The following PRR16 variants were observed in gnomAD, a reference collection of about 807,000 sequenced individuals.
PRR16 encodes proline rich 16.
In PRR16, 6 loss-of-function variants were observed where a neutral mutation model predicts 18.2. The ratio of observed to expected loss-of-function variants is 0.33; its 90% confidence interval spans 0.18 to 0.65. The LOEUF (loss-of-function observed/expected upper bound fraction) is 0.65, where lower values mean the gene tolerates loss of function less well. Ranked by LOEUF, PRR16 falls within the 30% of genes least tolerant of loss-of-function variation. PRR16 has a pLI of 0.74. For synonymous variants in PRR16, 151 were observed against 147.8 expected, an observed-to-expected ratio of 1.02 and a Z score of -0.16; for missense variants, 412 against 376.6, an observed-to-expected ratio of 1.09 and a Z score of -0.78.
intron 1 of PRR16, among the ~76,000 whole-genome samples, chr5:120,579,703 G>C (rs1753202110): frequency 6.6e-6 from 1 of 152,172 alleles, no homozygotes; most frequent in African/African-American, 2.4e-5. Context: ...TTTTGCTTAG[G>C]ATTGTCTTGG....
At chr5:120,758,606 A>G in the PRR16 span, among the ~76,000 whole-genome samples, 1 of 152,050 alleles carries the variant, frequency 6.6e-6, no homozygotes, top group Non-Finnish European at 1.5e-5. Flanking sequence ...ACAGTGAGGG[A>G]GTTCTCACAA....
chr5:120,764,192 G>A, the PRR16 span, among the ~76,000 whole-genome samples: 1 of 151,982 alleles, frequency 6.6e-6, no homozygotes, highest in Non-Finnish European at 1.5e-5. Context: ...GTTTTCTGTG[G>A]GTGTATCATA....
At chr5:120,792,928 G>T in the PRR16 span, among the ~76,000 whole-genome samples, 4 of 149,708 alleles carry the variant, frequency 2.7e-5, no homozygotes, top group Non-Finnish European at 4.5e-5. Context: ...GAGGCCAGGG[G>T]GATCACTTGA....
chr5:120,499,254 C>G (rs1411010131), intron 1 of PRR16, among the ~76,000 whole-genome samples: 2 of 151,984 alleles, frequency 1.3e-5, no homozygotes, highest in African/African-American at 4.8e-5. Flanking sequence ...GGATTACAGG[C>G]AGGCACCACC....
chr5:120,669,170 G>C (rs1425781997), intron 1 of PRR16, among the ~76,000 whole-genome samples: 1 of 152,128 alleles, frequency 6.6e-6, no homozygotes, highest in African/African-American at 2.4e-5. Context: ...CCTTCAAGCA[G>C]ATTTGGTACA....
chr5:120,710,221 G>C, the PRR16 span, among the ~76,000 whole-genome samples: 4 of 152,082 alleles, frequency 2.6e-5, no homozygotes, highest in East Asian at 7.7e-4. Context: ...TGATGACTTT[G>C]CATTTCTCTG....
chr5:120,626,581 T>C (rs574816979), intron 1 of PRR16, among the ~76,000 whole-genome samples: 1 of 152,270 alleles, frequency 6.6e-6, no homozygotes, highest in South Asian at 2.1e-4. Context: ...AAAAGAATTG[T>C]ACACTTAAAT....
chr5:120,605,086 T>A (rs1471341760), intron 1 of PRR16, among the ~76,000 whole-genome samples: 1 of 152,178 alleles, frequency 6.6e-6, no homozygotes, highest in Non-Finnish European at 1.5e-5. Flanking sequence ...CGTCAGCCTG[T>A]CTAGCAAGGT....
chr5:120,633,088 AC>A (rs1755110604), intron 1 of PRR16, among the ~76,000 whole-genome samples: 1 of 138,736 alleles, frequency 7.2e-6, no homozygotes, highest in African/African-American at 2.5e-5. Context: ...CTCTCCTTAA[AC>A]ATAACAATTA....
chr5:120,768,050 C>A, the PRR16 span, among the ~76,000 whole-genome samples: 1 of 151,868 alleles, frequency 6.6e-6, no homozygotes, highest in East Asian at 1.9e-4. Context: ...AGAAAGAAAC[C>A]TCATTGAAAG....
At chr5:120,759,357 T>G in the PRR16 span, among the ~76,000 whole-genome samples, 2 of 152,230 alleles carry the variant, frequency 1.3e-5, no homozygotes, top group African/African-American at 4.8e-5. Context: ...TATATTAAAA[T>G]CTTACCAAAA....
chr5:120,617,579 A>G lies in PRR16; in HGVS notation c.160-68375A>G, dbSNP rs184568933. Among the ~76,000 whole-genome samples, 424 of 152,310 alleles carry G rather than the reference A, an allele frequency of 2.8e-3. 1 individual carries two copies. The highest frequency in any genetic ancestry group is 4.2e-3 in the Non-Finnish European group (289 of 68,020). ...CCAAGGTATCACAATTAATGAGGTCATGTTAGAATATTCACACTTTTTATT... is the reference window on the plus strand; with the variant it reads ...CCAAGGTATCACAATTAATGAGGTCGTGTTAGAATATTCACACTTTTTATT... On this transcript the variant is annotated intron_variant, in intron 1 of 1. Transcript: ENST00000407149.
At chr5:120,661,072 T>C (rs569832099) in intron 1 of PRR16, among the ~76,000 whole-genome samples, 2 of 152,168 alleles carry the variant, frequency 1.3e-5, no homozygotes, top group Non-Finnish European at 2.9e-5. Context: ...TTCTTCACAA[T>C]GTGTAGACAC....
chr5:120,470,640 T>G (rs1043624337), intron 1 of PRR16, among the ~76,000 whole-genome samples: 4 of 152,160 alleles, frequency 2.6e-5, no homozygotes, highest in African/African-American at 4.8e-5. Context: ...GAAAGAGCAG[T>G]TTTGGCAATA....
chr5:120,652,551 TG>T (rs1755828169), intron 1 of PRR16, among the ~76,000 whole-genome samples: 1 of 152,068 alleles, frequency 6.6e-6, no homozygotes, highest in Admixed American at 6.6e-5. Flanking sequence ...TTTCCCTCTG[TG>T]GTCTTCTCAA....
At position 120,505,625 on chromosome 5, in the gene PRR16, A is replaced by G. The variant is rs552524780; in HGVS notation, c.159+40980A>G. ...GACTGTACAAGTGTCAGTTATTTCAATGAAAAAAGTGAATTGGGATTTTAC... is the reference window on the plus strand; with the variant it reads ...GACTGTACAAGTGTCAGTTATTTCAGTGAAAAAAGTGAATTGGGATTTTAC... On this transcript the variant is annotated intron_variant, in intron 1 of 1. Transcript: ENST00000407149. 1.6e-3 allele frequency among the ~76,000 whole-genome samples: 241 copies of G among 152,318 alleles called. 3 individuals carry two copies. In the South Asian group the frequency reaches 0.047, roughly 30 times the overall value.
intron 1 of PRR16, among the ~76,000 whole-genome samples, chr5:120,547,611 C>A (rs544877530): frequency 2.0e-5 from 3 of 151,482 alleles, no homozygotes; most frequent in African/African-American, 7.3e-5. Context: ...TCTGTAAGAA[C>A]ATATTGATAA....
intron 1 of PRR16, among the ~76,000 whole-genome samples, chr5:120,464,870 T>TG (rs1323860329): frequency 1.3e-5 from 2 of 152,024 alleles, no homozygotes; most frequent in Non-Finnish European, 2.9e-5. Flanking sequence ...TTTTAATCGA[T>TG]GGACCTGGGC....
At chr5:120,523,593 TTTAA>T (rs1336359764) in intron 1 of PRR16, among the ~76,000 whole-genome samples, 1 of 152,172 alleles carries the variant, frequency 6.6e-6, no homozygotes, top group African/African-American at 2.4e-5. Context: ...TAAATTCTGA[TTTAA>T]TTTTTATTTT....
Sources: gnomAD v4.1 joint callset for allele counts (sites outside exome capture counted in the v4.1 genomes callset) on GRCh38, gnomAD v4.1.1 for gene constraint, MANE v1.5 for transcripts, NCBI Gene and HGNC (gene_info 2026-07-23, HGNC 2026-07-21) for gene names.